Variants in CERK observed in about 807,000 individuals in gnomAD.
CERK encodes ceramide kinase.
Under a neutral mutation model 63.4 loss-of-function variants are expected in CERK, and 39 were observed. That is an observed-to-expected ratio of 0.61 (90% CI 0.48 to 0.80). The LOEUF (loss-of-function observed/expected upper bound fraction) is 0.80, where lower values mean the gene tolerates loss of function less well. Among genes scored for constraint, CERK ranks in the 30% least tolerant of loss-of-function variants. CERK has a pLI of 0.00. For missense variants in CERK, 670 were observed against 714.1 expected (o/e 0.94, Z 0.70); for synonymous variants, 302 against 280.0 (o/e 1.08, Z -0.78).
At chr22:46,692,904 CAAAAAAAA>C (rs34255348) in intron 10 of CERK, among the ~76,000 whole-genome samples, 12 of 92,990 alleles carry the variant, frequency 1.3e-4, no homozygotes, top group African/African-American at 4.6e-4. Context: ...AAACTCCATC[CAAAAAAAA>C]AAAAAAAAAA....
In CERK at chr22:46,720,116, G is replaced by GCAGC; in HGVS notation, c.345_348dup (p.Gln117AlafsTer36). 6.2e-7 allele frequency: 1 copy of GCAGC among 1,614,006 alleles called. No individual in the cohort carries two copies. Among genetic ancestry groups the GCAGC allele is most frequent in the Non-Finnish European group, 8.5e-7 (1 of 1,180,004 alleles). On this transcript the variant is annotated frameshift_variant, in exon 3 of 13. Transcript: ENST00000216264. LOFTEE classifies it high-confidence loss of function. ...TTCTCCAGCATCTCCCGCAGGGTCT[G>GCAGC]CAGCCACAAGTGACACAGCTGCTCC...
intron 4 of CERK, among the ~76,000 whole-genome samples, chr22:46,711,767 T>C (rs2082842204): frequency 6.6e-6 from 1 of 152,242 alleles, no homozygotes; most frequent in African/African-American, 2.4e-5. Context: ...AAAAAAGTTC[T>C]ATTTTGTTTA....
At position 46,718,331 on chromosome 22, in the gene CERK, A is replaced by G. The variant is rs1431077131; in HGVS notation, c.379+1755T>C. Among the ~76,000 whole-genome samples the G allele has an allele frequency of 2.0e-5, 3 of 152,150 alleles. No homozygotes were observed. In the East Asian group the frequency reaches 5.8e-4, roughly 29 times the overall value. ...CAGTCAGCCAAAGTCTCATGAAAACAGGTTTGATGGGAGGAAAGGGAAGGA... is the reference window on the plus strand; with the variant it reads ...CAGTCAGCCAAAGTCTCATGAAAACGGGTTTGATGGGAGGAAAGGGAAGGA... On this transcript the variant is annotated intron_variant, in intron 3 of 12. Coordinates refer to ENST00000216264, the MANE Select transcript of CERK (RefSeq NM_022766.6).
At chr22:46,708,139 T>C in intron 5 of CERK, 151 bp from the exon 6 acceptor site, 1 of 858,536 alleles carries the variant, frequency 1.2e-6, no homozygotes, top group South Asian at 2.0e-5. Context: ...CCCTAAGTGA[T>C]AAGGTCGTGC....
At chr22:46,722,010 C>T (rs2082895015) in intron 1 of CERK, among the ~76,000 whole-genome samples, 1 of 152,138 alleles carries the variant, frequency 6.6e-6, no homozygotes, top group Non-Finnish European at 1.5e-5. Flanking sequence ...AAGAACTTGC[C>T]CAGGAGAGCA....
At position 46,707,808 on chromosome 22, in the gene CERK, C is replaced by T. The variant is rs374324950; in HGVS notation, c.715+35G>A. The T allele has an allele frequency of 4.0e-5, 63 of 1,578,768 alleles. No individual in the cohort carries two copies. In the Middle Eastern group the frequency reaches 5.1e-4, roughly 13 times the overall value. ...GCAGAACAATTCCTAAGGACGGGAA[C>T]GAAGAGAACAGAGAATGCCAGGCCG... On this transcript the variant is annotated intron_variant, in intron 6 of 12. Coordinates refer to ENST00000216264, the MANE Select transcript of CERK (RefSeq NM_022766.6).
intron 1 of CERK, among the ~76,000 whole-genome samples, chr22:46,727,358 C>T (rs942305512): frequency 6.6e-6 from 1 of 152,024 alleles, no homozygotes; most frequent in Non-Finnish European, 1.5e-5. Context: ...CAGCTCACTG[C>T]AGCCTCGACC....
chr22:46,726,807 C>A lies in CERK; in HGVS notation c.143-5792G>T, dbSNP rs2082920693. Among the ~76,000 whole-genome samples, 3 of 152,110 alleles carry A rather than the reference C, an allele frequency of 2.0e-5. No homozygotes were observed. In the South Asian group the frequency reaches 6.2e-4, roughly 32 times the overall value. The stretch of plus-strand genomic sequence containing the variant: ...CCACCACGTCCACCCTGACACAGCC[C>A]TTGATGGGTCTGATACACAGATGGA... On this transcript the variant is annotated intron_variant, in intron 1 of 12. Transcript: ENST00000216264.
intron 5 of CERK, 40 bp from the exon 6 acceptor site, chr22:46,708,028 C>A (rs374471144): frequency 1.9e-6 from 3 of 1,566,458 alleles, no homozygotes; most frequent in South Asian, 1.2e-5. Flanking sequence ...CCTGCAGGTG[C>A]GGCCCTCTGA....
rs779374904 is a variant in CERK at position 46,720,916 on chromosome 22, G to A, written c.242C>T (p.Pro81Leu). The change falls in exon 2 of 13, where the codon CCT becomes CTT. Residue 81 changes from proline (P) to leucine (L), a missense_variant. By Grantham distance (98) the Pro-to-Leu change is moderately conservative. Transcript: ENST00000216264. ...AGGCTTATCACCTGTAAAAGCGTAA[G>A]GCTTTTCCATTTTCTGCCATTTTCC... ...GSGKWQKMEK[P>L]YAFTVHCVKR... 1 of 1,602,120 alleles carries A rather than the reference G, an allele frequency of 6.2e-7. No homozygotes were observed. Among genetic ancestry groups the A allele is most frequent in the East Asian group, 2.2e-5 (1 of 44,814 alleles).
chr22:46,722,832 C>G (rs1035473561), intron 1 of CERK, among the ~76,000 whole-genome samples: 6 of 152,136 alleles, frequency 3.9e-5, no homozygotes, highest in African/African-American at 1.4e-4. Flanking sequence ...TGCGTCCTGC[C>G]AGAAGGAGCG....
At chr22:46,719,930 G>A (rs144294100) in intron 3 of CERK, among the ~76,000 whole-genome samples, 156 bp downstream of exon 3, 1,628 of 152,320 alleles carry the variant, frequency 0.011, 26 homozygotes, top group Non-Finnish European at 0.016. Flanking sequence ...TCACTGGGAT[G>A]GTCTGCTCAT....
At chr22:46,701,851 A>G in intron 6 of CERK, 141 bp from the exon 7 acceptor site, 1 of 620,236 alleles carries the variant, frequency 1.6e-6, no homozygotes, top group Non-Finnish European at 2.8e-6. Context: ...TTTACCTACA[A>G]AATGAATATA....
At chr22:46,701,186 G>A (rs935579460) in intron 7 of CERK, among the ~76,000 whole-genome samples, 3 of 152,162 alleles carry the variant, frequency 2.0e-5, no homozygotes, top group Admixed American at 1.3e-4. Flanking sequence ...CTTCCTGACC[G>A]GGGCTCTGCA....
At chr22:46,723,783 C>T (rs554152535) in intron 1 of CERK, among the ~76,000 whole-genome samples, 2 of 152,030 alleles carry the variant, frequency 1.3e-5, no homozygotes, top group African/African-American at 4.8e-5. Context: ...CTGCAACCTC[C>T]GCTTCCCAGG....
intron 3 of CERK, among the ~76,000 whole-genome samples, chr22:46,716,505 T>TAAAA (rs561393380): frequency 0.03 from 4,308 of 143,294 alleles, 227 homozygotes; most frequent in African/African-American, 0.1. Context: ...CCCCGTCTCT[T>TAAAA]AAAAAAAAAA....
chr22:46,722,600 C>A (rs879871777), intron 1 of CERK, among the ~76,000 whole-genome samples: 10 of 149,230 alleles, frequency 6.7e-5, no homozygotes, highest in African/African-American at 1.5e-4. Flanking sequence ...GCTCCTGCTG[C>A]CCAGACTGGA....
chr22:46,692,468 G>C (rs801716), intron 10 of CERK, among the ~76,000 whole-genome samples: 49,217 of 149,460 alleles, frequency 0.33, 10,182 homozygotes, highest in African/African-American at 0.57. Context: ...CAGGTATGGC[G>C]GCAGGCGCCT....
At position 46,713,522 on chromosome 22, in the gene CERK, A is replaced by C. The variant is rs539890153; in HGVS notation, c.380-1229T>G. ...AGACTTCATCTCAAAAAAAAAAAAA[A>C]AAAAAAACAAACAAACAAAAAAACA... On this transcript the variant is annotated intron_variant, in intron 3 of 12. Coordinates refer to ENST00000216264, the MANE Select transcript of CERK (RefSeq NM_022766.6). Among the ~76,000 whole-genome samples, 500 of 149,170 alleles carry C rather than the reference A, an allele frequency of 3.4e-3. 1 individual carries two copies. The highest frequency in any genetic ancestry group is 0.011 in the African/African-American group (451 of 39,290).
Sources: gnomAD v4.1 joint callset for allele counts (sites outside exome capture counted in the v4.1 genomes callset) on GRCh38, gnomAD v4.1.1 for gene constraint, MANE v1.5 for transcripts, NCBI Gene and HGNC (gene_info 2026-07-23, HGNC 2026-07-21) for gene names.